The following DNAJC24 variants were observed in gnomAD, a reference collection of about 807,000 sequenced individuals.
DNAJC24 encodes the protein DnaJ heat shock protein family (Hsp40) member C24.
In DNAJC24, 17 loss-of-function variants were observed where a neutral mutation model predicts 18.0. The ratio of observed to expected loss-of-function variants is 0.94; its 90% CI spans 0.65 to 1.42. The LOEUF is 1.42. DNAJC24 is among the 40% of genes most tolerant of loss of function. DNAJC24 has a pLI of 0.00. For synonymous variants in DNAJC24, 55 were observed against 57.7 expected (o/e 0.95, Z 0.21); for missense variants, 158 against 175.6 (o/e 0.90, Z 0.57).
intron 2 of DNAJC24, among the ~76,000 whole-genome samples, chr11:31,382,155 G>A (rs1379934169): frequency 6.6e-6 from 1 of 152,050 alleles, no homozygotes; most frequent in Non-Finnish European, 1.5e-5. Context: ...TAAATATTAT[G>A]TACAGTATAT....
intron 3 of DNAJC24, among the ~76,000 whole-genome samples, chr11:31,425,774 C>T (rs1203757067): frequency 1.3e-5 from 2 of 152,116 alleles, no homozygotes; most frequent in Non-Finnish European, 2.9e-5. Flanking sequence ...ACAATTCGGT[C>T]AACAGCAACC....
chr11:31,416,505 A>G (rs781377679), intron 3 of DNAJC24: 3 of 152,170 alleles, frequency 2.0e-5, no homozygotes, highest in Non-Finnish European at 4.4e-5. Flanking sequence ...CATCTTTACT[A>G]GTCTCTACTA....
chr11:31,413,546 A>C (rs1020583808), intron 2 of DNAJC24, among the ~76,000 whole-genome samples: 1 of 151,800 alleles, frequency 6.6e-6, no homozygotes, highest in Non-Finnish European at 1.5e-5. Context: ...GTTAGCCAGG[A>C]TGGTCTCGAT....
intron 3 of DNAJC24, chr11:31,415,793 T>A (rs1952746940): frequency 6.6e-6 from 1 of 152,230 alleles, no homozygotes; most frequent in Admixed American, 6.5e-5. Flanking sequence ...TGTCTCGTAG[T>A]CGCTTATTGA....
chr11:31,412,067 A>G (rs1348678867), intron 2 of DNAJC24, among the ~76,000 whole-genome samples: 5 of 152,220 alleles, frequency 3.3e-5, no homozygotes, highest in African/African-American at 9.6e-5. Context: ...TATTTCAATT[A>G]ATAATCAGGA....
intron 2 of DNAJC24, among the ~76,000 whole-genome samples, chr11:31,407,758 A>G (rs1952670503): frequency 6.7e-6 from 1 of 148,900 alleles, no homozygotes; most frequent in African/African-American, 2.5e-5. Flanking sequence ...AGAAGTTGCT[A>G]GAATTTTCAC....
At chr11:31,393,118 C>T (rs1325172420) in intron 2 of DNAJC24, among the ~76,000 whole-genome samples, 1 of 152,152 alleles carries the variant, frequency 6.6e-6, no homozygotes, top group Non-Finnish European at 1.5e-5. Context: ...AGACAGAGCC[C>T]TTCGGCTTCT....
chr11:31,390,162 A>G (rs542239128), intron 2 of DNAJC24, among the ~76,000 whole-genome samples: 98 of 152,248 alleles, frequency 6.4e-4, no homozygotes, highest in Non-Finnish European at 1.2e-3. Context: ...CCACCAGGCC[A>G]ATGCGGGTGG....
intron 4 of DNAJC24, chr11:31,426,963 T>C (rs1243220361): frequency 6.6e-6 from 1 of 152,198 alleles, no homozygotes; most frequent in African/African-American, 2.4e-5. Flanking sequence ...TTCCCTATTC[T>C]TCTGATGGTT....
chr11:31,422,894 C>T (rs1481181747), intron 3 of DNAJC24, among the ~76,000 whole-genome samples: 1 of 152,086 alleles, frequency 6.6e-6, no homozygotes, highest in Non-Finnish European at 1.5e-5. Flanking sequence ...GGACACCTGC[C>T]TCTCAACAAA....
intron 2 of DNAJC24, chr11:31,407,990 T>C (rs1182082466): frequency 2.4e-6 from 1 of 412,024 alleles, no homozygotes; most frequent in African/African-American, 2.1e-5. Flanking sequence ...TGACATAAGA[T>C]GGTATCAATA....
At position 31,370,720 on chromosome 11, in the gene DNAJC24, T is replaced by G. The variant is rs1952222447; in HGVS notation, c.-29T>G. On this transcript the variant is annotated 5_prime_UTR_variant, in exon 2 of 5. Coordinates refer to ENST00000465995, the MANE Select transcript of DNAJC24 (RefSeq NM_181706.5). Reference sequence around the variant, plus strand: ...GTCATTAATATTTCTATTCAGCTAATCTGAGAAGGCCCACTTCTGGTTCCA... The same window carrying G: ...GTCATTAATATTTCTATTCAGCTAAGCTGAGAAGGCCCACTTCTGGTTCCA... 13 of 1,474,150 alleles carry G rather than the reference T, an allele frequency of 8.8e-6. No homozygotes were observed. The East Asian group carries it at 2.7e-4, about 31-fold the overall frequency. 91.3% of individuals were successfully genotyped at this position (1,474,150 alleles called of 1,614,324 possible). A position where few individuals can be genotyped will look rare whatever the true frequency, so the allele number is the denominator to read the frequency against.
chr11:31,372,509 A>T lies in DNAJC24; in HGVS notation c.111+1650A>T, dbSNP rs1952275473. Among the ~76,000 whole-genome samples the T allele has an allele frequency of 1.5e-5, 2 of 135,388 alleles. 1 individual carries two copies. The highest frequency in any genetic ancestry group is 3.4e-5 in the Non-Finnish European group (2 of 58,634). 88.8% of individuals were successfully genotyped at this position (135,388 alleles called of 152,430 possible). On this transcript the variant is annotated intron_variant, in intron 2 of 4. Coordinates refer to ENST00000465995, the MANE Select transcript of DNAJC24 (RefSeq NM_181706.5). Reference sequence around the variant, plus strand: ...GTAGACTTTATTGAAAAATATCCTAATATTAAACCATCCTTGTACCTCACT... The same window carrying T: ...GTAGACTTTATTGAAAAATATCCTATTATTAAACCATCCTTGTACCTCACT...
chr11:31,396,046 A>AT (rs1952540529), intron 2 of DNAJC24, among the ~76,000 whole-genome samples: 2 of 152,194 alleles, frequency 1.3e-5, no homozygotes, highest in Non-Finnish European at 2.9e-5. Context: ...CTTGCCAAAC[A>AT]TTAATTGTCT....
intron 2 of DNAJC24, among the ~76,000 whole-genome samples, chr11:31,403,416 G>GACAT (rs1952622240): frequency 6.6e-6 from 1 of 152,166 alleles, no homozygotes. Flanking sequence ...TACATGCAAA[G>GACAT]ACATACATCA....
intron 2 of DNAJC24, among the ~76,000 whole-genome samples, chr11:31,390,474 A>G (rs1185274715): frequency 6.6e-6 from 1 of 151,450 alleles, no homozygotes. Context: ...TTGGGAGGGC[A>G]AGGGGAGCGG....
rs573125827 is a variant in DNAJC24 at position 31,371,296 on chromosome 11, A to T, written c.111+437A>T. ...AGGGTAAAATATACACTGGATTTTA[A>T]AGACAGTATTTAAAAGGAATTAAAA... is the stretch of plus-strand genomic sequence containing the variant. On this transcript the variant is annotated intron_variant, in intron 2 of 4. Coordinates refer to ENST00000465995, the MANE Select transcript of DNAJC24 (RefSeq NM_181706.5). Among the ~76,000 whole-genome samples, 865 of 152,308 alleles carry T rather than the reference A, an allele frequency of 5.7e-3. 7 individuals are homozygous for T. Among genetic ancestry groups the T allele is most frequent in the African/African-American group, 0.02 (833 of 41,562 alleles).
At chr11:31,387,008 T>G (rs1272187196) in intron 2 of DNAJC24, among the ~76,000 whole-genome samples, 9 of 152,168 alleles carry the variant, frequency 5.9e-5, no homozygotes, top group Non-Finnish European at 1.2e-4. Flanking sequence ...GAGAGACTCC[T>G]TCTGCATGAG....
intron 2 of DNAJC24, among the ~76,000 whole-genome samples, chr11:31,382,367 A>G (rs1053139827): frequency 6.6e-6 from 1 of 152,202 alleles, no homozygotes; most frequent in African/African-American, 2.4e-5. Flanking sequence ...AAATGAAAGA[A>G]TGAATATAAA....
Sources: gnomAD v4.1 joint callset for allele counts (sites outside exome capture counted in the v4.1 genomes callset) on GRCh38, gnomAD v4.1.1 for gene constraint, MANE v1.5 for transcripts, NCBI Gene and HGNC (gene_info 2026-07-23, HGNC 2026-07-21) for gene names.